The following TTC6 variants were observed in gnomAD, a reference collection of about 807,000 sequenced individuals.
The protein encoded by TTC6 is tetratricopeptide repeat protein 6.
Under a neutral mutation model 210.4 loss-of-function variants are expected in TTC6, and 172 were observed. The ratio of observed to expected loss-of-function variants is 0.82; its 90% confidence interval spans 0.72 to 0.93. TTC6 has a LOEUF of 0.93. Among genes scored for constraint, TTC6 ranks in the 40% least tolerant of loss-of-function variants. The pLI, the probability that TTC6 is intolerant of heterozygous loss-of-function variation, is 0.00. For synonymous variants in TTC6, 804 were observed against 819.6 expected (o/e 0.98, Z 0.32); for missense variants, 2,414 against 2,318.1 (o/e 1.04, Z -0.85).
At chr14:37,803,444 C>G (rs2096111484) in intron 20 of TTC6, among the ~76,000 whole-genome samples, 1 of 152,160 alleles carries the variant, frequency 6.6e-6, no homozygotes, top group South Asian at 2.1e-4. Context: ...CTGTAAGCCC[C>G]TGCAGATGTC....
chr14:37,799,284 A>G (rs1022617971), intron 20 of TTC6, among the ~76,000 whole-genome samples: 1 of 152,184 alleles, frequency 6.6e-6, no homozygotes, highest in Non-Finnish European at 1.5e-5. Context: ...TTTAGTATAA[A>G]AACTAAAAAA....
chr14:37,794,586 G>A (rs1002059876), intron 17 of TTC6, among the ~76,000 whole-genome samples: 38 of 150,850 alleles, frequency 2.5e-4, no homozygotes, highest in African/African-American at 9.2e-4. Flanking sequence ...ACATATTGAT[G>A]GTAAGCAGAT....
upstream of TTC6, among the ~76,000 whole-genome samples, chr14:37,619,427 G>C (rs2095647815): frequency 6.6e-6 from 1 of 152,100 alleles, no homozygotes; most frequent in Non-Finnish European, 1.5e-5. Flanking sequence ...GAATTGATAT[G>C]AGTCCAACTA....
intron 1 of TTC6, among the ~76,000 whole-genome samples, chr14:37,646,796 G>A (rs1444020737): frequency 1.3e-5 from 2 of 152,148 alleles, no homozygotes; most frequent in Non-Finnish European, 2.9e-5. Flanking sequence ...AAATAGGTGT[G>A]TTGTTTTGGT....
chr14:37,804,791 A>G (rs1305961172), exon 21 of TTC6: 20 of 1,613,960 alleles, frequency 1.2e-5, no homozygotes, highest in Admixed American at 1.7e-5. Flanking sequence ...TCTTTGTTAC[A>G]TGGAGGAAGG....
chr14:37,799,940 A>G (rs978785530), intron 20 of TTC6, among the ~76,000 whole-genome samples: 1 of 152,172 alleles, frequency 6.6e-6, no homozygotes, highest in Non-Finnish European at 1.5e-5. Flanking sequence ...GTTCGTCAAC[A>G]ATATTCTAAA....
intron 29 of TTC6, among the ~76,000 whole-genome samples, chr14:37,833,834 C>T (rs2096191659): frequency 6.6e-6 from 1 of 151,970 alleles, no homozygotes; most frequent in African/African-American, 2.4e-5. Flanking sequence ...TTTTGGCTGC[C>T]AGATGTAAAA....
intron 29 of TTC6, among the ~76,000 whole-genome samples, chr14:37,841,189 G>T (rs541768248): frequency 6.6e-6 from 1 of 152,146 alleles, no homozygotes; most frequent in African/African-American, 2.4e-5. Flanking sequence ...TTTTAACCCA[G>T]CCAACAGGAG....
exon 21 of TTC6, chr14:37,804,696 T>C (rs1227792342): frequency 2.5e-6 from 4 of 1,613,680 alleles, no homozygotes; most frequent in Admixed American, 1.7e-5. Flanking sequence ...GTGGAAGTGC[T>C]TAAGAAGGCT....
At chr14:37,732,586 A>G (rs1431808088) in intron 7 of TTC6, among the ~76,000 whole-genome samples, 2 of 151,942 alleles carry the variant, frequency 1.3e-5, no homozygotes, top group Non-Finnish European at 2.9e-5. Context: ...AAGTGGAAGT[A>G]GACGATCATA....
At chr14:37,733,304 T>A (rs1356334897) in intron 7 of TTC6, among the ~76,000 whole-genome samples, 2 of 152,164 alleles carry the variant, frequency 1.3e-5, no homozygotes, top group African/African-American at 4.8e-5. Context: ...TATCTCTTTT[T>A]TTGGCTTTTC....
intron 2 of TTC6, among the ~76,000 whole-genome samples, chr14:37,611,085 T>C (rs1198677285): frequency 6.6e-6 from 1 of 152,314 alleles, no homozygotes; most frequent in East Asian, 1.9e-4. Flanking sequence ...GGGTTTGGGG[T>C]CCAAGTCCGA....
intron 29 of TTC6, among the ~76,000 whole-genome samples, chr14:37,836,691 G>A (rs1233187274): frequency 2.0e-5 from 3 of 152,082 alleles, no homozygotes; most frequent in African/African-American, 7.2e-5. Context: ...TTGGGAACAG[G>A]TGTTCAGCTA....
intron 5 of TTC6, among the ~76,000 whole-genome samples, chr14:37,712,318 T>C (rs943843978): frequency 1.3e-5 from 2 of 152,194 alleles, no homozygotes; most frequent in East Asian, 3.9e-4. Flanking sequence ...TAGTCACTGC[T>C]CTCCTCATCA....
intron 5 of TTC6, among the ~76,000 whole-genome samples, chr14:37,704,974 T>C (rs1566900157): frequency 6.6e-6 from 1 of 152,164 alleles, no homozygotes. Flanking sequence ...AATTCCAACA[T>C]GTTATTGAGT....
chr14:37,599,638 C>T (rs1469744300), intron 1 of TTC6, among the ~76,000 whole-genome samples: 1 of 152,144 alleles, frequency 6.6e-6, no homozygotes. Flanking sequence ...CGGCCTCGCC[C>T]GCGGGCGACA....
chr14:37,759,890 G>A (rs1006817170), intron 14 of TTC6, among the ~76,000 whole-genome samples: 3 of 152,136 alleles, frequency 2.0e-5, no homozygotes, highest in Non-Finnish European at 2.9e-5. Context: ...ATTCTAGTTA[G>A]CAGTTCCTGT....
chr14:37,729,941 A>G (rs17768521), intron 7 of TTC6, among the ~76,000 whole-genome samples: 84,202 of 152,006 alleles, frequency 0.55, 24,077 homozygotes, highest in African/African-American at 0.7. Flanking sequence ...AGGAAGAATT[A>G]GTGAGAACTG....
intron 25 of TTC6, among the ~76,000 whole-genome samples, chr14:37,816,589 C>G (rs950702427): frequency 5.3e-5 from 8 of 152,174 alleles, no homozygotes; most frequent in Non-Finnish European, 1.2e-4. Flanking sequence ...CTGAAGCAGT[C>G]TTCTGGGGAA....
Sources: gnomAD v4.1 joint callset for allele counts (sites outside exome capture counted in the v4.1 genomes callset) on GRCh38, gnomAD v4.1.1 for gene constraint, MANE v1.5 for transcripts, NCBI Gene and HGNC (gene_info 2026-07-23, HGNC 2026-07-21) for gene names.